Variants in SLCO1A2 observed in about 807,000 individuals in gnomAD.
The protein encoded by SLCO1A2 is OATP-1.
SLCO1A2 carries 67 observed loss-of-function variants against 69.0 expected under a neutral mutation model. The ratio of observed to expected loss-of-function variants is 0.97; its 90% CI spans 0.80 to 1.19. The LOEUF is 1.19. Ranked by LOEUF, SLCO1A2 falls within the 50% of genes most tolerant of loss-of-function variation. The pLI, the probability that SLCO1A2 is intolerant of heterozygous loss-of-function variation, is 0.00. For missense variants in SLCO1A2, 787 were observed against 793.7 expected (o/e 0.99, Z 0.10); for synonymous variants, 260 against 265.9 (o/e 0.98, Z 0.22).
chr12:21,332,820 C>T (rs769746230), intron 2 of SLCO1A2, among the ~76,000 whole-genome samples: 1 of 152,082 alleles, frequency 6.6e-6, no homozygotes, highest in Non-Finnish European at 1.5e-5. Flanking sequence ...CCACTTCCTA[C>T]TGCCATCACC....
At chr12:21,305,171 T>C (rs1467821873) in intron 5 of SLCO1A2, among the ~76,000 whole-genome samples, 2 of 152,192 alleles carry the variant, frequency 1.3e-5, no homozygotes, top group African/African-American at 4.8e-5. Flanking sequence ...TAACTTTCAA[T>C]ACAGAAATCC....
At chr12:21,280,240 A>C (rs1345657998) in intron 12 of SLCO1A2, among the ~76,000 whole-genome samples, 1 of 152,160 alleles carries the variant, frequency 6.6e-6, no homozygotes, top group Admixed American at 6.5e-5. Flanking sequence ...CTTACGAATA[A>C]GATTATTTAA....
intron 1 of SLCO1A2, among the ~76,000 whole-genome samples, chr12:21,406,234 G>C (rs1002175842): frequency 1.5e-4 from 23 of 152,248 alleles, no homozygotes; most frequent in Admixed American, 6.5e-5. Context: ...TGGTAACCAA[G>C]TCAGAACATT....
intron 1 of SLCO1A2, among the ~76,000 whole-genome samples, chr12:21,383,931 AT>A: frequency 6.6e-6 from 1 of 150,654 alleles, no homozygotes; most frequent in Middle Eastern, 3.4e-3. Context: ...TCTAGGAATA[AT>A]GAAAAAACAA....
intron 2 of SLCO1A2, chr12:21,319,548 GC>G: frequency 9.4e-7 from 1 of 1,062,470 alleles, no homozygotes; most frequent in Non-Finnish European, 1.3e-6. Flanking sequence ...AGGCATATAA[GC>G]CCAGGACAGA....
intron 12 of SLCO1A2, among the ~76,000 whole-genome samples, chr12:21,291,768 G>T (rs1946889110): frequency 6.6e-6 from 1 of 152,020 alleles, no homozygotes; most frequent in African/African-American, 2.4e-5. Flanking sequence ...AGCGAGATGG[G>T]GGCTTCTGAC....
At chr12:21,275,132 A>G in intron 13 of SLCO1A2, 1 of 1,011,502 alleles carries the variant, frequency 9.9e-7, no homozygotes, top group African/African-American at 1.7e-5. Context: ...GGGGAACATC[A>G]CACACCAGGG....
At chr12:21,401,909 A>G (rs527355516) in intron 1 of SLCO1A2, among the ~76,000 whole-genome samples, 223 of 151,708 alleles carry the variant, frequency 1.5e-3, no homozygotes, top group Non-Finnish European at 3.0e-3. Flanking sequence ...ACATATACAT[A>G]ATAAATATAT....
intron 4 of SLCO1A2, 94 bp downstream of exon 4, chr12:21,314,455 C>T (rs1950617236): frequency 7.5e-7 from 1 of 1,337,584 alleles, no homozygotes; most frequent in African/African-American, 1.4e-5. Context: ...GTGCCCTATG[C>T]TGTTGGAAAG....
chr12:21,310,893 G>A (rs12230350), intron 4 of SLCO1A2, among the ~76,000 whole-genome samples: 7,400 of 152,228 alleles, frequency 0.049, 550 homozygotes, highest in East Asian at 0.33. Context: ...GTGAGCCACC[G>A]CGCCCAGCCG....
Position 21,297,428 on chromosome 12 carries a change from A to T in SLCO1A2, c.1051T>A (p.Ser351Thr), listed in dbSNP as rs1381891917. 6.2e-7 allele frequency: 1 copy of T among 1,611,656 alleles called. No individual in the cohort carries two copies. ...CCCATTAGAAAGATTGCATCTGAAG[A>T]TGATATTCCATATTGCTGTTCTAGG... is the stretch of plus-strand genomic sequence containing the variant. Reference protein sequence around the residue: ...KYLEQQYGISSSDAIFLMGIY... With the variant: ...KYLEQQYGISTSDAIFLMGIY... Residue 351 changes from serine (S) to threonine (T), a missense_variant, in exon 9 of 15, where the codon TCT (serine) becomes ACT (threonine). Ser to Thr is a moderately conservative substitution (Grantham distance 58, BLOSUM62 1). Coordinates refer to ENST00000683939, the MANE Select transcript of SLCO1A2 (RefSeq NM_001386879.1).
intron 4 of SLCO1A2, among the ~76,000 whole-genome samples, chr12:21,313,398 T>C (rs997954745): frequency 6.6e-6 from 1 of 152,126 alleles, no homozygotes; most frequent in African/African-American, 2.4e-5. Flanking sequence ...TCAAAACTAA[T>C]AGAATAACAT....
chr12:21,336,277 T>C (rs1952885755), upstream of SLCO1A2, among the ~76,000 whole-genome samples: 1 of 151,976 alleles, frequency 6.6e-6, no homozygotes, highest in Non-Finnish European at 1.5e-5. Context: ...ATTACTATAT[T>C]AAATGTCTAT....
intron 8 of SLCO1A2, among the ~76,000 whole-genome samples, chr12:21,298,094 T>G (rs2199686): frequency 6.6e-6 from 1 of 152,100 alleles, no homozygotes; most frequent in African/African-American, 2.4e-5. Context: ...ATCCGGAATT[T>G]TTTTTTGCTT....
intron 2 of SLCO1A2, among the ~76,000 whole-genome samples, chr12:21,320,677 T>A (rs1447947913): frequency 6.6e-6 from 1 of 152,094 alleles, no homozygotes; most frequent in African/African-American, 2.4e-5. Context: ...TTTTGTATTT[T>A]TAGTACAGAC....
intron 2 of SLCO1A2, among the ~76,000 whole-genome samples, chr12:21,352,628 G>C (rs966545698): frequency 2.0e-5 from 3 of 152,266 alleles, no homozygotes; most frequent in African/African-American, 7.2e-5. Context: ...ACAAAACTTT[G>C]TTGCTCTGGG....
intron 2 of SLCO1A2, among the ~76,000 whole-genome samples, chr12:21,346,852 T>C (rs1405776166): frequency 2.0e-5 from 3 of 152,212 alleles, no homozygotes; most frequent in African/African-American, 7.2e-5. Context: ...AGTAGGCTCA[T>C]TTGTATTTAA....
chr12:21,395,665 G>T (rs1465039254), upstream of SLCO1A2, among the ~76,000 whole-genome samples: 1 of 152,214 alleles, frequency 6.6e-6, no homozygotes, highest in African/African-American at 2.4e-5. Context: ...CCAGCACGCA[G>T]CTGGACATCT....
chr12:21,369,756 A>C (rs1413711324), intron 2 of SLCO1A2, among the ~76,000 whole-genome samples: 1 of 152,194 alleles, frequency 6.6e-6, no homozygotes, highest in African/African-American at 2.4e-5. Flanking sequence ...GGTGATGCAA[A>C]AGCTGCCAGC....
Sources: gnomAD v4.1 joint callset for allele counts (sites outside exome capture counted in the v4.1 genomes callset) on GRCh38, gnomAD v4.1.1 for gene constraint, MANE v1.5 for transcripts, NCBI Gene and HGNC (gene_info 2026-07-23, HGNC 2026-07-21) for gene names.